MLIP: variants seen among roughly 807,000 people sequenced by gnomAD.
MLIP encodes the protein muscular LMNA interacting protein, also known as muscular LMNA-interacting protein.
A neutral mutation model predicts 84.8 loss-of-function variants in MLIP; 79 were observed. The observed-to-expected ratio is 0.93, with a 90% confidence interval of 0.78 to 1.12. MLIP has a LOEUF of 1.12. MLIP is among the 50% of genes most tolerant of loss of function. MLIP has a pLI of 0.00. For synonymous variants in MLIP, 504 were observed against 463.0 expected, an observed-to-expected ratio of 1.09 and a Z score of -1.14; for missense variants, 1,257 against 1,160.6, an observed-to-expected ratio of 1.08 and a Z score of -1.21.
At chr6:54,240,865 A>C (rs1224092100) in intron 12 of MLIP, among the ~76,000 whole-genome samples, 1 of 152,092 alleles carries the variant, frequency 6.6e-6, no homozygotes. Flanking sequence ...AGTCCCAGCT[A>C]CTCGAGAGGC....
intron 13 of MLIP, among the ~76,000 whole-genome samples, chr6:54,264,589 T>C (rs1783581898): frequency 6.6e-6 from 1 of 152,128 alleles, no homozygotes. Flanking sequence ...ACTTAAAAAG[T>C]ATTAGCCAAA....
chr6:54,160,684 G>T lies in MLIP; in HGVS notation c.2440-56G>T, dbSNP rs1456405116. 3.3e-6 allele frequency: 5 copies of T among 1,507,372 alleles called. No individual in the cohort carries two copies. The Admixed American group carries it at 6.8e-5, about 20-fold the overall frequency. The allele number at this position is 1,507,372 out of a possible 1,614,324, so 93.4% of individuals were successfully genotyped here. On this transcript the variant is annotated intron_variant, in intron 7 of 13. Coordinates refer to ENST00000502396, the MANE Select transcript of MLIP (RefSeq NM_001281747.2). ...TCTACTTTAGTATGATGCCTCACAG[G>T]CTTGTCCTTTTCTTTCCTTTTCTCT...
Position 54,230,859 on chromosome 6 carries a change from C to T in MLIP, c.2864C>T (p.Ser955Phe), listed in dbSNP as rs1780949389. 1.9e-6 allele frequency: 3 copies of T among 1,614,008 alleles called. No individual in the cohort carries two copies. Among genetic ancestry groups the T allele is most frequent in the Non-Finnish European group, 8.5e-7 (1 of 1,179,960 alleles). Residue 955 changes from serine to phenylalanine, a missense_variant, in exon 12 of 14, where the codon TCC (serine) becomes TTC (phenylalanine). Transcript: ENST00000502396. The stretch of plus-strand genomic sequence containing the variant: ...GGACCCTTCAGTCATCTGTCCTTCT[C>T]CTTGAGTGATGAACAGGAGAATTCT... The part of the protein sequence containing the change: ...APGPFSHLSF[S>F]LSDEQENSHT...
intron 11 of MLIP, among the ~76,000 whole-genome samples, chr6:54,220,909 G>A (rs1780174481): frequency 6.7e-6 from 1 of 150,332 alleles, no homozygotes; most frequent in South Asian, 2.1e-4. Context: ...AACCTATAAC[G>A]ACAAAGGAGA....
intron 12 of MLIP, among the ~76,000 whole-genome samples, chr6:54,233,713 C>T (rs918319900): frequency 2.7e-5 from 4 of 147,542 alleles, no homozygotes; most frequent in African/African-American, 9.7e-5. Context: ...ATTGCTGGAT[C>T]AAATGGTATT....
intron 11 of MLIP, among the ~76,000 whole-genome samples, chr6:54,208,902 T>A (rs767050718): frequency 4.6e-5 from 7 of 152,246 alleles, no homozygotes; most frequent in Non-Finnish European, 1.0e-4. Context: ...ATGTTTTGTG[T>A]GATAGCTGTT....
At chr6:54,062,388 T>C (rs1242856892) in intron 1 of MLIP, among the ~76,000 whole-genome samples, 1 of 152,256 alleles carries the variant, frequency 6.6e-6, no homozygotes, top group African/African-American at 2.4e-5. Flanking sequence ...TCTGTTTAAC[T>C]AATGTTTTGG....
Position 54,068,036 on chromosome 6 carries a change from T to TCC in MLIP, c.63+48945_63+48946insCC, listed in dbSNP as rs1411244271. Among the ~76,000 whole-genome samples, 2 of 16,792 alleles carry TCC rather than the reference T, an allele frequency of 1.2e-4. 1 individual carries two copies. The highest frequency in any genetic ancestry group is 6.4e-3 in the East Asian group (2 of 312). The allele number at this position is 16,792 out of a possible 152,430, so 11.0% of individuals were successfully genotyped here. A position where few individuals can be genotyped will look rare whatever the true frequency, so the allele number is the denominator to read the frequency against. On this transcript the variant is annotated intron_variant, in intron 1 of 12. Coordinates refer to the MLIP transcript ENST00000274897. Reference sequence around the variant, plus strand: ...AGCTCCTTCCTTCCTTCCTTCCTTTTTTCTTTCCTTCCTTCCTTCCTTCCT... The same window carrying TCC: ...AGCTCCTTCCTTCCTTCCTTCCTTTTCCTTCTTTCCTTCCTTCCTTCCTTCCT...
chr6:54,111,756 C>T (rs1412812522), intron 1 of MLIP, among the ~76,000 whole-genome samples, 181 bp downstream of exon 1: 1 of 152,128 alleles, frequency 6.6e-6, no homozygotes, highest in Non-Finnish European at 1.5e-5. Flanking sequence ...CAAAACTGCT[C>T]ATTGGGCAAA....
rs868787633 is a variant in MLIP, at chr6:54,153,835, G to A, written c.2289+4708G>A. On this transcript the variant is annotated intron_variant, in intron 5 of 13. Coordinates refer to ENST00000502396, the MANE Select transcript of MLIP (RefSeq NM_001281747.2). ...CCACTGCACTCCAGCCTGGGTGACA[G>A]AGTGAGACTCAGTCTCAAAAAAAAA... Among the ~76,000 whole-genome samples, 11 of 134,084 alleles carry A rather than the reference G, an allele frequency of 8.2e-5. No homozygotes were observed. The South Asian group carries it at 2.6e-3, about 32-fold the overall frequency. 88.0% of individuals were successfully genotyped at this position (134,084 alleles called of 152,430 possible). A position where few individuals can be genotyped will look rare whatever the true frequency, so the allele number is the denominator to read the frequency against.
intron 12 of MLIP, among the ~76,000 whole-genome samples, chr6:54,241,730 A>G (rs539877269): frequency 2.4e-4 from 36 of 152,292 alleles, no homozygotes; most frequent in African/African-American, 2.4e-5. Context: ...TGTCAACACA[A>G]TATTTACTGA....
At chr6:54,098,330 CTTT>C (rs11418224) in intron 1 of MLIP, among the ~76,000 whole-genome samples, 1 of 116,280 alleles carries the variant, frequency 8.6e-6, no homozygotes, top group Admixed American at 1.0e-4. Flanking sequence ...TTTTTAATTT[CTTT>C]TTTTTTTTTT....
At chr6:54,090,647 C>CTGTGTGTGTGTGTATGTGTGTG (rs1433341389) in intron 1 of MLIP, among the ~76,000 whole-genome samples, 2 of 127,390 alleles carry the variant, frequency 1.6e-5, no homozygotes, top group African/African-American at 5.5e-5. Context: ...AGTATTGTAT[C>CTGTGTGTGTGTGTATGTGTGTG]TGTGTGTGTG....
chr6:54,247,895 A>G (rs1031400997), intron 12 of MLIP, among the ~76,000 whole-genome samples: 3 of 152,100 alleles, frequency 2.0e-5, no homozygotes, highest in African/African-American at 7.2e-5. Context: ...TGACCCTATC[A>G]CAGTCATACC....
At chr6:54,073,371 T>G (rs1766600857) in intron 1 of MLIP, among the ~76,000 whole-genome samples, 1 of 152,244 alleles carries the variant, frequency 6.6e-6, no homozygotes, top group Non-Finnish European at 1.5e-5. Context: ...TGAATTAGAC[T>G]GAGAATTTTA....
chr6:54,240,751 C>T (rs1011217389), intron 12 of MLIP, among the ~76,000 whole-genome samples: 4 of 152,202 alleles, frequency 2.6e-5, no homozygotes, highest in East Asian at 3.9e-4. Flanking sequence ...CTGAGGCAGG[C>T]GGATCACGAG....
intron 10 of MLIP, among the ~76,000 whole-genome samples, chr6:54,201,109 G>A (rs747704469): frequency 7.9e-5 from 12 of 152,114 alleles, no homozygotes; most frequent in Non-Finnish European, 1.6e-4. Context: ...ACATTTTACG[G>A]GGTAACAAGA....
intron 3 of MLIP, among the ~76,000 whole-genome samples, chr6:54,131,609 G>C (rs2150467070): frequency 6.6e-6 from 1 of 152,154 alleles, no homozygotes; most frequent in Admixed American, 6.5e-5. Context: ...AGGGTGTGCA[G>C]ACTACAAGAA....
chr6:54,171,077 C>T (rs1775725200), intron 9 of MLIP, among the ~76,000 whole-genome samples: 2 of 151,474 alleles, frequency 1.3e-5, no homozygotes, highest in Admixed American at 1.3e-4. Flanking sequence ...TCAATAGGTT[C>T]AAAGGGTTGA....
Sources: allele counts gnomAD v4.1 joint callset (sites outside exome capture counted in the v4.1 genomes callset), GRCh38; gene constraint gnomAD v4.1.1; transcripts MANE v1.5; gene names NCBI Gene and HGNC (gene_info 2026-07-23, HGNC 2026-07-21).